The following KDM5B variants were observed in gnomAD, a reference collection of about 807,000 sequenced individuals.
The protein encoded by KDM5B is lysine demethylase 5B, also known as lysine-specific demethylase 5B.
In KDM5B, 144 loss-of-function variants were observed where a neutral mutation model predicts 193.4. That is an observed-to-expected ratio of 0.74 (90% CI 0.65 to 0.86). The LOEUF is 0.86. Among genes scored for constraint, KDM5B ranks in the 40% least tolerant of loss-of-function variants. The pLI is 0.00. For missense variants in KDM5B, 1,833 were observed against 1,886.9 expected (o/e 0.97, Z 0.53); for synonymous variants, 668 against 682.6 (o/e 0.98, Z 0.33).
At chr1:202,791,641 G>A (rs1420879860) in intron 1 of KDM5B, among the ~76,000 whole-genome samples, 1 of 151,954 alleles carries the variant, frequency 6.6e-6, no homozygotes, top group Non-Finnish European at 1.5e-5. Flanking sequence ...TAACCACTCG[G>A]TACATAACTT....
chr1:202,753,013 T>G lies in KDM5B; in HGVS notation c.1593A>C (p.Glu531Asp). Residue 531 changes from glutamate to aspartate, a missense_variant, in exon 12 of 27, where the codon GAA becomes GAC. By Grantham distance (45) the Glu-to-Asp change is conservative. Coordinates refer to ENST00000367265, the MANE Select transcript of KDM5B (RefSeq NM_006618.5). ...CTGGAGCTAGTTTCTTCATTACATT[T>G]TCTAGCTGCTCAGCAGCATACCCTG... The part of the protein sequence containing the change: ...GVPGYAAEQL[E>D]NVMKKLAPEL... The G allele has an allele frequency of 6.2e-7, 1 of 1,614,132 alleles. No homozygotes were observed. The highest frequency in any genetic ancestry group is 8.5e-7 in the Non-Finnish European group (1 of 1,179,998).
chr1:202,784,226 C>T (rs1423725501), intron 1 of KDM5B, among the ~76,000 whole-genome samples: 1 of 152,170 alleles, frequency 6.6e-6, no homozygotes, highest in Non-Finnish European at 1.5e-5. Context: ...GAAAGGCTGT[C>T]ATTTTGAGAT....
intron 1 of KDM5B, among the ~76,000 whole-genome samples, chr1:202,795,690 A>AC (rs1657816798): frequency 6.6e-6 from 1 of 151,902 alleles, no homozygotes; most frequent in African/African-American, 2.4e-5. Context: ...ACATGGGTTT[A>AC]CCTAAGAGGC....
At chr1:202,803,557 C>G (rs12088360) in intron 1 of KDM5B, among the ~76,000 whole-genome samples, 11,869 of 151,712 alleles carry the variant, frequency 0.078, 548 homozygotes, top group African/African-American at 0.12. Context: ...GGTGCGGTGG[C>G]TCACGTCTGT....
intron 1 of KDM5B, among the ~76,000 whole-genome samples, chr1:202,802,624 C>A (rs1419051433): frequency 6.6e-6 from 1 of 152,064 alleles, no homozygotes; most frequent in Non-Finnish European, 1.5e-5. Flanking sequence ...AACTCCTGAC[C>A]TCAAGCGATC....
intron 12 of KDM5B, among the ~76,000 whole-genome samples, chr1:202,752,658 T>A (rs1655838834): frequency 6.6e-6 from 1 of 152,194 alleles, no homozygotes; most frequent in African/African-American, 2.4e-5. Context: ...TGAATTGCAA[T>A]TATTACTTGC....
intron 4 of KDM5B, among the ~76,000 whole-genome samples, chr1:202,769,561 C>T (rs1412718919): frequency 1.3e-5 from 2 of 149,416 alleles, no homozygotes; most frequent in African/African-American, 4.9e-5. Flanking sequence ...CCCACCTACT[C>T]GGGACACTGA....
At chr1:202,798,071 T>C (rs1657921669) in intron 1 of KDM5B, among the ~76,000 whole-genome samples, 1 of 152,146 alleles carries the variant, frequency 6.6e-6, no homozygotes, top group Non-Finnish European at 1.5e-5. Context: ...TATGCACCTG[T>C]AGTCCCAGTC....
chr1:202,799,581 A>G (rs1429873884), intron 1 of KDM5B, among the ~76,000 whole-genome samples: 1 of 151,514 alleles, frequency 6.6e-6, no homozygotes, highest in Non-Finnish European at 1.5e-5. Flanking sequence ...TGAACCTGGG[A>G]GGCGGAAGTT....
Position 202,742,389 on chromosome 1 carries a change from A to C in KDM5B, c.2589+2T>G. 6.2e-7 allele frequency: 1 copy of C among 1,601,432 alleles called. No individual in the cohort carries two copies. The highest frequency in any genetic ancestry group is 8.6e-7 in the Non-Finnish European group (1 of 1,168,468). ...TTCTCCCACACATCCCTCTATGGTT[A>C]CCTTTAGTAATGGTGTCTGACTGAG... On this transcript the variant is annotated splice_donor_variant, in intron 18 of 26. Coordinates refer to ENST00000367265, the MANE Select transcript of KDM5B (RefSeq NM_006618.5). LOFTEE classifies it high-confidence loss of function.
Position 202,740,730 on chromosome 1 carries a change from G to A in KDM5B, c.3028C>T (p.Leu1010=). ...IPAYLPNGAA[L]KDSVQRARDW... ...CTGGCTCTCTGCACTGAGTCTTTCA[G>A]AGCCGCACCATTGGGCAGATATGCA... is the stretch of plus-strand genomic sequence containing the variant. Residue 1010 remains leucine (L), a synonymous_variant, in exon 20 of 27, where the codon CTG becomes TTG. Coordinates refer to ENST00000367265, the MANE Select transcript of KDM5B (RefSeq NM_006618.5). 6.2e-7 allele frequency: 1 copy of A among 1,612,980 alleles called. No homozygotes were observed.
intron 1 of KDM5B, among the ~76,000 whole-genome samples, chr1:202,777,683 C>T (rs927082571): frequency 1.3e-5 from 2 of 151,724 alleles, no homozygotes; most frequent in Admixed American, 6.6e-5. Context: ...TTTTTAGAGA[C>T]GAGGTGTAGG....
rs1270545987 is a variant in KDM5B at position 202,769,190 on chromosome 1, C to T, written c.577-2130G>A. Among the ~76,000 whole-genome samples the T allele has an allele frequency of 5.3e-5, 8 of 151,010 alleles. 1 individual carries two copies. Among genetic ancestry groups the T allele is most frequent in the African/African-American group, 1.7e-4 (7 of 41,234 alleles). ...TAGCTGGGACTACAGGCACCTGCCA[C>T]CACACCCAGCTATTTTTTTGTATTT... is the stretch of plus-strand genomic sequence containing the variant. On this transcript the variant is annotated intron_variant, in intron 4 of 26. Transcript: ENST00000367265.
At chr1:202,754,231 G>A (rs891122345) in intron 11 of KDM5B, among the ~76,000 whole-genome samples, 2 of 152,138 alleles carry the variant, frequency 1.3e-5, no homozygotes, top group African/African-American at 2.4e-5. Flanking sequence ...TTTTACAGCT[G>A]GGAGAAACTG....
rs538549610 is a variant in KDM5B, at chr1:202,803,636, C to T, written c.204+4466G>A. ...GTCAGGAGTTCAAGACCAGCCTAAC[C>T]AACATGGTGAAACCTCGTCTCTACT... On this transcript the variant is annotated intron_variant, in intron 1 of 26. Transcript: ENST00000367265. 1.0e-3 allele frequency among the ~76,000 whole-genome samples: 159 copies of T among 152,146 alleles called. 2 individuals are homozygous for T. The highest frequency in any genetic ancestry group is 3.8e-3 in the African/African-American group (157 of 41,504).
At chr1:202,742,928 A>G (rs189293619) in intron 16 of KDM5B, 123 bp from the exon 17 acceptor site, 3 of 782,172 alleles carry the variant, frequency 3.8e-6, no homozygotes, top group Admixed American at 3.0e-5. Context: ...AATGTTTGCA[A>G]TGCTTTAAAT....
chr1:202,762,732 C>A lies in KDM5B; in HGVS notation c.885G>T (p.Lys295Asn). 1 of 1,609,268 alleles carries A rather than the reference C, an allele frequency of 6.2e-7. No homozygotes were observed. The highest frequency in any genetic ancestry group is 8.5e-7 in the Non-Finnish European group (1 of 1,175,700). ...TGGCTTTTTTAGATCGACTCTTGGG[C>A]TTTTCCTTCTCATTTTCTACAATAT... ...KDYIVENEKE[K>N]PKSRSKKATN... Residue 295 changes from lysine to asparagine, a missense_variant, in exon 7 of 27, where the codon AAG becomes AAT. By Grantham distance (94) the Lys-to-Asn change is moderately conservative. Around this residue, in one of 3 missense-constraint regions of KDM5B, gnomAD observed 355 missense variants for 374.9 expected, o/e 0.95. Transcript: ENST00000367265.
rs188611191 is a variant in KDM5B at position 202,736,914 on chromosome 1, T to C, written c.3085-522A>G. Reference sequence around the variant, plus strand: ...ACCTTGGCCTCCCAAAGTGCTGGGATTACAGTGAGCCACTGTGCTGGGCCT... The same window carrying C: ...ACCTTGGCCTCCCAAAGTGCTGGGACTACAGTGAGCCACTGTGCTGGGCCT... On this transcript the variant is annotated intron_variant, in intron 20 of 26. Coordinates refer to ENST00000367265, the MANE Select transcript of KDM5B (RefSeq NM_006618.5). Among the ~76,000 whole-genome samples the C allele has an allele frequency of 3.3e-5, 5 of 152,288 alleles. No homozygotes were observed. In the East Asian group the frequency reaches 9.6e-4, roughly 29 times the overall value.
At chr1:202,775,904 A>AAT (rs1182097377) in intron 2 of KDM5B, among the ~76,000 whole-genome samples, 2 of 134,262 alleles carry the variant, frequency 1.5e-5, no homozygotes, top group Middle Eastern at 3.7e-3. Context: ...ATATATATAT[A>AAT]ATATATACAC....
Sources: allele counts gnomAD v4.1 joint callset (sites outside exome capture counted in the v4.1 genomes callset), GRCh38; gene constraint gnomAD v4.1.1; regional missense constraint gnomAD v4.1.1; transcripts MANE v1.5; gene names NCBI Gene and HGNC (gene_info 2026-07-23, HGNC 2026-07-21).